Variants in GEMIN5 observed in about 807,000 individuals in gnomAD.
The protein encoded by GEMIN5 is gem nuclear organelle associated protein 5.
A neutral mutation model predicts 176.9 loss-of-function variants in GEMIN5; 124 were observed. The ratio of observed to expected loss-of-function variants is 0.70; its 90% CI spans 0.61 to 0.81. The LOEUF is 0.81. Ranked by LOEUF, GEMIN5 falls within the 40% of genes least tolerant of loss-of-function variation. The pLI is 0.00. For missense variants in GEMIN5, 1,843 were observed against 1,814.6 expected, an observed-to-expected ratio of 1.02 and a Z score of -0.28; for synonymous variants, 673 against 665.2, an observed-to-expected ratio of 1.01 and a Z score of -0.18.
chr5:154,930,187 C>T (rs567064332), intron 5 of GEMIN5, among the ~76,000 whole-genome samples: 4 of 152,296 alleles, frequency 2.6e-5, no homozygotes, highest in Middle Eastern at 3.4e-3. Flanking sequence ...CCACTTACCC[C>T]GGCACTCTCT....
At position 154,905,356 on chromosome 5, in the gene GEMIN5, TAC is replaced by T; in HGVS notation, c.2509+5_2509+6del. ...AAAATACTGTATTTTAATTACTAGATACCAACCTGGCTTCTCTTTTGGTGGCT... is the reference window on the plus strand; with the variant it reads ...AAAATACTGTATTTTAATTACTAGATCAACCTGGCTTCTCTTTTGGTGGCT... On this transcript the variant is annotated splice_donor_5th_base_variant and intron_variant, in intron 17 of 27. Transcript: ENST00000285873. 1 of 1,413,372 alleles carries T rather than the reference TAC, an allele frequency of 7.1e-7. No homozygotes were observed. Among genetic ancestry groups the T allele is most frequent in the Non-Finnish European group, 9.9e-7 (1 of 1,007,690 alleles). The allele number at this position is 1,413,372 out of a possible 1,614,324, so 87.6% of individuals were successfully genotyped here.
At chr5:154,918,165 T>C (rs1263692699) in intron 11 of GEMIN5, among the ~76,000 whole-genome samples, 161 bp from the exon 12 acceptor site, 1 of 152,172 alleles carries the variant, frequency 6.6e-6, no homozygotes, top group Admixed American at 6.6e-5. Flanking sequence ...ACTAAGAACA[T>C]GCATTCTAAT....
chr5:154,915,197 T>G (rs1763786384), intron 13 of GEMIN5, among the ~76,000 whole-genome samples: 1 of 152,244 alleles, frequency 6.6e-6, no homozygotes, highest in Non-Finnish European at 1.5e-5. Context: ...TTTTTCCATA[T>G]TGCTTTTAAC....
At chr5:154,929,995 A>G (rs1053086429) in intron 5 of GEMIN5, among the ~76,000 whole-genome samples, 2 of 152,156 alleles carry the variant, frequency 1.3e-5, no homozygotes, top group African/African-American at 4.8e-5. Flanking sequence ...CAAAGAATCA[A>G]TATGTCAGTA....
intron 17 of GEMIN5, among the ~76,000 whole-genome samples, chr5:154,904,874 A>C (rs1763538686): frequency 6.6e-6 from 1 of 152,222 alleles, no homozygotes; most frequent in East Asian, 1.9e-4. Flanking sequence ...CAAGTGCTAA[A>C]AAAAATTCAA....
chr5:154,890,441 T>C (rs1020577830), intron 26 of GEMIN5, among the ~76,000 whole-genome samples: 2 of 152,030 alleles, frequency 1.3e-5, no homozygotes, highest in African/African-American at 2.4e-5. Flanking sequence ...ATAAAATTCC[T>C]TTGTCACCTG....
In GEMIN5 at chr5:154,888,319, T is replaced by A. The variant is rs1435059050; in HGVS notation, c.4418A>T (p.His1473Leu). Residue 1473 changes from histidine (H) to leucine (L), a missense_variant, in exon 28 of 28, where the codon CAC becomes CTC. By Grantham distance (99) the His-to-Leu change is moderately conservative. Transcript: ENST00000285873. ...CCLVLLLIRS[H>L]FPGCLAQEMQ... ...TTCCTGGGCCAGACAGCCAGGAAAG[T>A]GGGACCTGATGAGAAGCAGGACGAG... is the stretch of plus-strand genomic sequence containing the variant. 6.2e-7 allele frequency: 1 copy of A among 1,613,998 alleles called. No individual in the cohort carries two copies. The highest frequency in any genetic ancestry group is 8.5e-7 in the Non-Finnish European group (1 of 1,180,012).
chr5:154,898,302 T>C (rs1763395522), intron 23 of GEMIN5, 138 bp downstream of exon 23: 1 of 721,862 alleles, frequency 1.4e-6, no homozygotes, highest in African/African-American at 1.8e-5. Context: ...AGTACTTCAG[T>C]GGGATAGCAT....
At chr5:154,927,724 G>A (rs887975209) in intron 6 of GEMIN5, among the ~76,000 whole-genome samples, 174 bp from the exon 7 acceptor site, 2 of 152,202 alleles carry the variant, frequency 1.3e-5, no homozygotes, top group African/African-American at 4.8e-5. Context: ...GGGTGCAGTA[G>A]TTCACATCTG....
At chr5:154,908,490 G>A (rs185797576) in intron 15 of GEMIN5, among the ~76,000 whole-genome samples, 3 of 152,198 alleles carry the variant, frequency 2.0e-5, no homozygotes, top group Admixed American at 1.3e-4. Flanking sequence ...CTACCCAGAT[G>A]TCTTTTATAG....
In GEMIN5 at chr5:154,920,002, T is replaced by C. The variant is rs1283748442; in HGVS notation, c.1564A>G (p.Ile522Val). 6.2e-7 allele frequency: 1 copy of C among 1,613,748 alleles called. No individual in the cohort carries two copies. Among genetic ancestry groups the C allele is most frequent in the Non-Finnish European group, 8.5e-7 (1 of 1,179,758 alleles). The stretch of plus-strand genomic sequence containing the variant: ...TTGGTGTCCCTGATGAGTTTGTTGA[T>C]GTCAAAGGCTTCTCCACTAAGCTTC... ...PWKLSGEAFD[I>V]NKLIRDTNSI... is the part of the protein sequence containing the mutation. The change falls in exon 11 of 28, where the codon ATC becomes GTC. Residue 522 changes from isoleucine (I) to valine (V), a missense_variant. Coordinates refer to ENST00000285873, the MANE Select transcript of GEMIN5 (RefSeq NM_015465.5).
At position 154,918,004 on chromosome 5, in the gene GEMIN5, A is replaced by G; in HGVS notation, c.1600T>C (p.Tyr534His). 1.2e-6 allele frequency: 2 copies of G among 1,604,204 alleles called. No homozygotes were observed. The highest frequency in any genetic ancestry group is 1.1e-5 in the South Asian group (1 of 90,862). The change falls in exon 12 of 28, where the codon TAC (tyrosine) becomes CAC (histidine). Residue 534 changes from tyrosine to histidine, a missense_variant and splice_region_variant. Tyr to His is a moderately conservative substitution (Grantham distance 83, BLOSUM62 2). Transcript: ENST00000285873. The part of the protein sequence containing the change: ...KLIRDTNSIK[Y>H]KLPVHTEISW... ...ATCTCTGTGTGTACAGGCAATTTGT[A>G]CTAGAAAGCAAAACAAACCAATCTT...
At chr5:154,900,734 G>T (rs571795180) in intron 21 of GEMIN5, among the ~76,000 whole-genome samples, 4 of 152,308 alleles carry the variant, frequency 2.6e-5, no homozygotes, top group African/African-American at 9.6e-5. Flanking sequence ...TAAAAGCCAC[G>T]TATGTAAAGG....
intron 9 of GEMIN5, among the ~76,000 whole-genome samples, chr5:154,921,642 A>T (rs1193242868): frequency 1.3e-5 from 2 of 152,224 alleles, no homozygotes; most frequent in African/African-American, 2.4e-5. Context: ...TCAAATAATG[A>T]CATTTACTAC....
intron 8 of GEMIN5, among the ~76,000 whole-genome samples, chr5:154,925,485 G>A (rs932538466): frequency 3.9e-5 from 6 of 152,038 alleles, no homozygotes; most frequent in Non-Finnish European, 8.8e-5. Flanking sequence ...TTTTATAATT[G>A]ACATTTTTCA....
At chr5:154,911,985 AAAAAACAAAAAC>A in intron 14 of GEMIN5, 87 bp from the exon 15 acceptor site, 1 of 1,252,542 alleles carries the variant, frequency 8.0e-7, no homozygotes, top group Non-Finnish European at 1.1e-6. Context: ...AACAAAAAAC[AAAAAACAAAAAC>A]AATCTGCGGC....
At chr5:154,916,725 C>T (rs1763817540) in intron 13 of GEMIN5, among the ~76,000 whole-genome samples, 3 of 152,022 alleles carry the variant, frequency 2.0e-5, no homozygotes, top group Non-Finnish European at 2.9e-5. Flanking sequence ...AAAATCCTGG[C>T]CACAAATAAT....
chr5:154,930,609 T>A (rs1296535802), intron 5 of GEMIN5, among the ~76,000 whole-genome samples: 1 of 152,136 alleles, frequency 6.6e-6, no homozygotes, highest in East Asian at 1.9e-4. Flanking sequence ...ATATCATATG[T>A]ATAACTTCAC....
chr5:154,926,426 G>A (rs1225729219), intron 7 of GEMIN5, among the ~76,000 whole-genome samples: 2 of 152,134 alleles, frequency 1.3e-5, no homozygotes, highest in African/African-American at 4.8e-5. Flanking sequence ...CCTCAGCACA[G>A]TGGAAAAATC....
Sources: gnomAD v4.1 joint callset for allele counts (sites outside exome capture counted in the v4.1 genomes callset) on GRCh38, gnomAD v4.1.1 for gene constraint, MANE v1.5 for transcripts, NCBI Gene and HGNC (gene_info 2026-07-23, HGNC 2026-07-21) for gene names.